The following ARHGEF28 variants were observed in gnomAD, a reference collection of about 807,000 sequenced individuals.
The protein encoded by ARHGEF28 is 190 kDa guanine nucleotide exchange factor.
ARHGEF28 carries 152 observed loss-of-function variants against 206.6 expected under a neutral mutation model. The observed-to-expected ratio is 0.74, with a 90% CI of 0.64 to 0.84. ARHGEF28 has a LOEUF of 0.84. ARHGEF28 is among the 40% of genes least tolerant of loss of function. The pLI is 0.00. For synonymous variants in ARHGEF28, 763 were observed against 776.4 expected, an observed-to-expected ratio of 0.98 and a Z score of 0.29; for missense variants, 2,028 against 2,073.2, an observed-to-expected ratio of 0.98 and a Z score of 0.42.
chr5:73,793,451 A>G (rs947965189), intron 7 of ARHGEF28, among the ~76,000 whole-genome samples: 2 of 152,230 alleles, frequency 1.3e-5, no homozygotes, highest in South Asian at 2.1e-4. Context: ...CATTAGATAA[A>G]TTAATAGGAG....
chr5:73,720,461 T>G (rs1459200736), intron 2 of ARHGEF28, among the ~76,000 whole-genome samples: 3 of 152,144 alleles, frequency 2.0e-5, no homozygotes, highest in Non-Finnish European at 4.4e-5. Context: ...GAGATTGGAC[T>G]CAGCCTCTAA....
At chr5:73,642,250 G>A (rs144519626) in intron 1 of ARHGEF28, among the ~76,000 whole-genome samples, 16 of 152,242 alleles carry the variant, frequency 1.1e-4, no homozygotes, top group East Asian at 3.9e-4. Context: ...ACTTGTCACC[G>A]TCTATGTTAG....
chr5:73,918,732 C>T (rs563497689), intron 35 of ARHGEF28, among the ~76,000 whole-genome samples: 2 of 152,070 alleles, frequency 1.3e-5, no homozygotes, highest in Non-Finnish European at 2.9e-5. Context: ...GGAGGGCCAC[C>T]CTCTGACTGT....
chr5:73,660,640 G>A (rs778376197), intron 1 of ARHGEF28, among the ~76,000 whole-genome samples: 83 of 152,176 alleles, frequency 5.5e-4, no homozygotes, highest in Non-Finnish European at 9.0e-4. Flanking sequence ...AAAATTACTC[G>A]TTGATCCTTG....
chr5:73,854,640 A>G (rs986929716), intron 14 of ARHGEF28, among the ~76,000 whole-genome samples: 2 of 152,006 alleles, frequency 1.3e-5, no homozygotes. Flanking sequence ...AGACCAGCCT[A>G]GTCAACATGA....
At chr5:73,890,686 C>T (rs1478929837) in intron 26 of ARHGEF28, among the ~76,000 whole-genome samples, 2 of 152,154 alleles carry the variant, frequency 1.3e-5, no homozygotes, top group African/African-American at 2.4e-5. Flanking sequence ...CTGGGAAAGC[C>T]GACAAGCCAG....
chr5:73,638,167 C>A (rs896334651), intron 1 of ARHGEF28, among the ~76,000 whole-genome samples: 1 of 152,134 alleles, frequency 6.6e-6, no homozygotes, highest in Non-Finnish European at 1.5e-5. Flanking sequence ...TTTTTTAAAA[C>A]CCTTTCAAAG....
chr5:73,857,564 T>TACACACACACAC, intron 14 of ARHGEF28, 92 bp from the exon 15 acceptor site: 1 of 1,193,094 alleles, frequency 8.4e-7, no homozygotes, highest in Non-Finnish European at 1.1e-6. Context: ...CATATATGTG[T>TACACACACACAC]ACACACACAC....
chr5:73,783,275 AT>A (rs1416495469), intron 7 of ARHGEF28, among the ~76,000 whole-genome samples: 2 of 152,152 alleles, frequency 1.3e-5, no homozygotes, highest in Admixed American at 6.5e-5. Flanking sequence ...GGAATTCTAC[AT>A]GCAATACAAA....
intron 2 of ARHGEF28, among the ~76,000 whole-genome samples, chr5:73,686,641 C>A (rs562682834): frequency 6.6e-6 from 1 of 151,572 alleles, no homozygotes; most frequent in Admixed American, 6.6e-5. Context: ...GCCTCAGCCT[C>A]CTGAGTAGCT....
chr5:73,930,971 C>T (rs150120492), intron 35 of ARHGEF28, among the ~76,000 whole-genome samples: 175 of 152,250 alleles, frequency 1.1e-3, no homozygotes, highest in African/African-American at 4.0e-3. Flanking sequence ...TCATGCTTCC[C>T]CTTTATAGTA....
intron 35 of ARHGEF28, among the ~76,000 whole-genome samples, chr5:73,915,549 A>G (rs967399829): frequency 2.6e-4 from 39 of 152,294 alleles, no homozygotes; most frequent in African/African-American, 9.1e-4. Context: ...AGAATATTTG[A>G]ATTTCCTTAA....
At chr5:73,704,700 C>T (rs187800158) in intron 2 of ARHGEF28, among the ~76,000 whole-genome samples, 159 of 152,290 alleles carry the variant, frequency 1.0e-3, no homozygotes, top group Admixed American at 3.1e-3. Context: ...ACTGGGATTA[C>T]AGGCATGAGC....
At chr5:73,798,580 A>G (rs1284066930) in intron 9 of ARHGEF28, among the ~76,000 whole-genome samples, 2 of 152,160 alleles carry the variant, frequency 1.3e-5, no homozygotes, top group African/African-American at 4.8e-5. Flanking sequence ...GTCGAAGGGG[A>G]GAATCATCAG....
intron 2 of ARHGEF28, among the ~76,000 whole-genome samples, chr5:73,686,439 A>G (rs950251416): frequency 3.9e-5 from 6 of 152,112 alleles, no homozygotes; most frequent in African/African-American, 1.4e-4. Context: ...GGAAAAACCA[A>G]TACACATTGC....
At chr5:73,748,429 G>T (rs1161719005) in intron 2 of ARHGEF28, among the ~76,000 whole-genome samples, 3 of 152,088 alleles carry the variant, frequency 2.0e-5, no homozygotes, top group South Asian at 2.1e-4. Context: ...TAAACCACTA[G>T]AAAAGCATAG....
chr5:73,686,685 T>A (rs1000018819), intron 2 of ARHGEF28, among the ~76,000 whole-genome samples: 15 of 150,742 alleles, frequency 1.0e-4, no homozygotes, highest in Non-Finnish European at 1.5e-5. Context: ...GCCCGGCAAA[T>A]TTTTTTTTGT....
chr5:73,780,946 A>T lies in ARHGEF28; in HGVS notation c.910+201A>T, dbSNP rs531910526. ...ACTGTTTGTTTCCACTCTCCATTTA[A>T]CTGGAATGTCCTGAGTGCTGTTTGC... On this transcript the variant is annotated intron_variant, in intron 7 of 35. Transcript: ENST00000513042. Among the ~76,000 whole-genome samples the T allele has an allele frequency of 5.3e-5, 8 of 152,246 alleles. No individual in the cohort carries two copies. In the South Asian group the frequency reaches 1.7e-3, roughly 32 times the overall value.
intron 9 of ARHGEF28, among the ~76,000 whole-genome samples, chr5:73,818,482 A>T (rs1438479879): frequency 6.6e-6 from 1 of 152,180 alleles, no homozygotes; most frequent in Admixed American, 6.5e-5. Flanking sequence ...TCCCCAAATG[A>T]TAGCTGAATA....
Sources: gnomAD v4.1 joint callset for allele counts (sites outside exome capture counted in the v4.1 genomes callset) on GRCh38, gnomAD v4.1.1 for gene constraint, MANE v1.5 for transcripts, NCBI Gene and HGNC (gene_info 2026-07-23, HGNC 2026-07-21) for gene names.